The following TTC39C variants were observed in gnomAD, a reference collection of about 807,000 sequenced individuals.
TTC39C encodes the protein tetratricopeptide repeat domain 39C.
TTC39C carries 33 observed loss-of-function variants against 76.3 expected under a neutral mutation model. The observed-to-expected ratio is 0.43, with a 90% CI of 0.33 to 0.58. The LOEUF (loss-of-function observed/expected upper bound fraction) is 0.58, where lower values mean the gene tolerates loss of function less well. Among genes scored for constraint, TTC39C ranks in the 20% least tolerant of loss-of-function variants. The probability of loss-of-function intolerance (pLI) is 0.04; values close to 1 mark genes in which losing one functional copy is unlikely to be tolerated. For synonymous variants in TTC39C, 254 were observed against 260.6 expected (o/e 0.97, Z 0.24); for missense variants, 595 against 701.4 (o/e 0.85, Z 1.71).
chr18:24,063,535 C>A (rs2084126549), intron 1 of TTC39C, among the ~76,000 whole-genome samples: 1 of 125,002 alleles, frequency 8.0e-6, no homozygotes, highest in Non-Finnish European at 1.6e-5. Flanking sequence ...TTTTTTGAGA[C>A]AGAGTCTCAC....
At position 24,114,604 on chromosome 18, in the gene TTC39C, A is replaced by G; in HGVS notation, c.1035A>G (p.Ala345=). ...CTTTCCACACTGCTTTGGAACTTGCAGTAGACCAGAGAGAAATTCAACATG... is the reference window on the plus strand; with the variant it reads ...CTTTCCACACTGCTTTGGAACTTGCGGTAGACCAGAGAGAAATTCAACATG... The part of the protein sequence containing the change: ...LTSFHTALEL[A]VDQREIQHVC... The change falls in exon 7 of 14, where the codon GCA becomes GCG. Residue 345 remains alanine (A), a synonymous_variant. Transcript: ENST00000317571. The G allele has an allele frequency of 1.2e-6, 2 of 1,614,050 alleles. No homozygotes were observed. Among genetic ancestry groups the G allele is most frequent in the African/African-American group, 1.3e-5 (1 of 75,058 alleles).
intron 1 of TTC39C, among the ~76,000 whole-genome samples, chr18:24,047,877 A>G (rs1385755897): frequency 6.6e-6 from 1 of 152,240 alleles, no homozygotes; most frequent in African/African-American, 2.4e-5. Flanking sequence ...TGAGTATTAC[A>G]CATTGTATGC....
chr18:24,020,016 G>T, intron 1 of TTC39C: 1 of 1,423,290 alleles, frequency 7.0e-7, no homozygotes, highest in South Asian at 1.6e-5. Flanking sequence ...GGCTGTCCAT[G>T]ATTTCTAGAC....
rs56233680 is a variant in TTC39C, at chr18:24,044,052, TTGTGTGTGTGTG to T, written c.168-20060_168-20049del. ...TGGCTGAAAGAGCATTTGTGTATGT[TTGTGTGTGTGTG>T]TGTGTGTGTGTGTGTGTGTGTGTGT... On this transcript the variant is annotated intron_variant, in intron 1 of 13. Coordinates refer to ENST00000317571, the MANE Select transcript of TTC39C (RefSeq NM_001135993.2). Among the ~76,000 whole-genome samples the T allele has an allele frequency of 4.7e-3, 693 of 147,956 alleles. 4 individuals carry two copies. Among genetic ancestry groups the T allele is most frequent in the East Asian group, 9.3e-3 (47 of 5,048 alleles).
intron 1 of TTC39C, among the ~76,000 whole-genome samples, chr18:24,003,193 C>T (rs12959792): frequency 0.56 from 85,545 of 151,994 alleles, 27,504 homozygotes; most frequent in Non-Finnish European, 0.74. Context: ...CCTGTCCATG[C>T]CATTGCTCCT....
intron 6 of TTC39C, among the ~76,000 whole-genome samples, chr18:24,086,624 A>C (rs936172271): frequency 1.3e-5 from 2 of 152,140 alleles, no homozygotes; most frequent in African/African-American, 4.8e-5. Flanking sequence ...TGAGCACAGG[A>C]TCCTCTTTGC....
chr18:24,006,331 T>G (rs1366849978), intron 1 of TTC39C: 1 of 152,168 alleles, frequency 6.6e-6, no homozygotes, highest in Non-Finnish European at 1.5e-5. Context: ...ATAAACAATA[T>G]TATACACTGT....
chr18:23,996,216 A>G (rs1202390650), intron 1 of TTC39C, among the ~76,000 whole-genome samples: 2 of 152,368 alleles, frequency 1.3e-5, no homozygotes, highest in Non-Finnish European at 2.9e-5. Flanking sequence ...CTCTTCAGTA[A>G]AATGTCTCTT....
Position 24,114,568 on chromosome 18 carries a change from T to C in TTC39C, c.999T>C (p.Ser333=). The C allele has an allele frequency of 1.2e-6, 2 of 1,614,026 alleles. No individual in the cohort carries two copies. The highest frequency in any genetic ancestry group is 1.7e-6 in the Non-Finnish European group (2 of 1,179,908). The change falls in exon 7 of 14, where the codon AGT becomes AGC. Residue 333 remains serine (S), a synonymous_variant. Transcript: ENST00000317571. The stretch of plus-strand genomic sequence containing the variant: ...TTTCTCCTTAGTGTCAAATCAACAG[T>C]GCCTTGACATCTTTCCACACTGCTT... ...RIQRLECQIN[S]ALTSFHTALE...
intron 1 of TTC39C, among the ~76,000 whole-genome samples, chr18:24,020,568 A>T (rs1216727582): frequency 1.3e-5 from 2 of 152,258 alleles, no homozygotes; most frequent in Non-Finnish European, 2.9e-5. Flanking sequence ...AATCCCTGAT[A>T]GAAAATGGCG....
intron 6 of TTC39C, chr18:24,113,323 C>A (rs1378797639): frequency 8.1e-6 from 4 of 492,508 alleles, no homozygotes; most frequent in Non-Finnish European, 1.1e-5. Context: ...TCATTGGTGC[C>A]CTTGTTTCCC....
At chr18:24,121,531 A>G (rs1367446403) in intron 8 of TTC39C, among the ~76,000 whole-genome samples, 1 of 152,120 alleles carries the variant, frequency 6.6e-6, no homozygotes, top group East Asian at 1.9e-4. Context: ...GTGAGCCAAG[A>G]TCGCGCCATT....
chr18:24,091,909 G>GGTCTCT (rs2084521665), intron 6 of TTC39C, among the ~76,000 whole-genome samples: 1 of 151,628 alleles, frequency 6.6e-6, no homozygotes, highest in Non-Finnish European at 1.5e-5. Context: ...CTAACATGAT[G>GGTCTCT]AAACCCTGTC....
intron 6 of TTC39C, among the ~76,000 whole-genome samples, chr18:24,085,103 T>C (rs1360190067): frequency 6.6e-6 from 1 of 152,242 alleles, no homozygotes; most frequent in Non-Finnish European, 1.5e-5. Flanking sequence ...TAACAGATAT[T>C]TATTACAAGG....
At chr18:24,114,770 C>T in intron 7 of TTC39C, 123 bp downstream of exon 7, 1 of 644,382 alleles carries the variant, frequency 1.6e-6, no homozygotes, top group Admixed American at 2.7e-5. Flanking sequence ...AGAAGGACTT[C>T]AGTTATTCCC....
chr18:24,118,239 C>A lies in TTC39C; in HGVS notation c.1186+7C>A. On this transcript the variant is annotated splice_region_variant and intron_variant, in intron 8 of 13. Transcript: ENST00000317571. ...TATGCCTACTTGACTGCAGGTGAGT[C>A]GCCCATGGTCCCTCAGTGTGCCTCT... is the stretch of plus-strand genomic sequence containing the variant. 6.2e-7 allele frequency: 1 copy of A among 1,605,876 alleles called. No homozygotes were observed. Among genetic ancestry groups the A allele is most frequent in the African/African-American group, 1.3e-5 (1 of 74,706 alleles).
At chr18:24,099,336 A>C (rs1267563773) in intron 6 of TTC39C, 1 of 151,760 alleles carries the variant, frequency 6.6e-6, no homozygotes, top group East Asian at 1.9e-4. Context: ...AAAGGGGGCT[A>C]GAGAGCACTC....
intron 6 of TTC39C, among the ~76,000 whole-genome samples, chr18:24,090,312 A>G (rs1288388595): frequency 6.6e-6 from 1 of 152,212 alleles, no homozygotes; most frequent in Non-Finnish European, 1.5e-5. Flanking sequence ...TAGCTCTTAA[A>G]TGATGAGAAA....
At chr18:24,090,797 C>CTTTTTT (rs1218689781) in intron 6 of TTC39C, among the ~76,000 whole-genome samples, 3 of 79,526 alleles carry the variant, frequency 3.8e-5, no homozygotes, top group African/African-American at 5.6e-5. Context: ...GATTAATTTA[C>CTTTTTT]TTTTTTTTTT....
Sources: allele counts gnomAD v4.1 joint callset (sites outside exome capture counted in the v4.1 genomes callset), GRCh38; gene constraint gnomAD v4.1.1; transcripts MANE v1.5; gene names NCBI Gene and HGNC (gene_info 2026-07-23, HGNC 2026-07-21).